The following LRMDA variants were observed in gnomAD, a reference collection of about 807,000 sequenced individuals.
LRMDA encodes leucine-rich melanocyte differentiation-associated protein.
Under a neutral mutation model 29.8 loss-of-function variants are expected in LRMDA, and 18 were observed. The observed-to-expected ratio is 0.60, with a 90% CI of 0.42 to 0.90. LRMDA has a LOEUF of 0.90. Ranked by LOEUF, LRMDA falls within the 40% of genes least tolerant of loss-of-function variation. LRMDA has a pLI of 0.00. For synonymous variants in LRMDA, 125 were observed against 109.4 expected, an observed-to-expected ratio of 1.14 and a Z score of -0.89; for missense variants, 273 against 273.9, an observed-to-expected ratio of 1.00 and a Z score of 0.02.
intron 5 of LRMDA, among the ~76,000 whole-genome samples, chr10:76,069,828 C>T (rs1848847336): frequency 6.6e-6 from 1 of 152,104 alleles, no homozygotes; most frequent in South Asian, 2.1e-4. Flanking sequence ...TTGTTCTTGA[C>T]ACAATTTAAG....
intron 2 of LRMDA, among the ~76,000 whole-genome samples, chr10:75,935,397 A>G (rs1351561971): frequency 6.6e-6 from 1 of 152,212 alleles, no homozygotes; most frequent in East Asian, 1.9e-4. Flanking sequence ...TCTCCTGCAG[A>G]CAGGCCCCTT....
At chr10:76,362,524 A>G (rs1055747846) in intron 6 of LRMDA, among the ~76,000 whole-genome samples, 2 of 152,262 alleles carry the variant, frequency 1.3e-5, no homozygotes, top group African/African-American at 2.4e-5. Context: ...ATTTAAGAAC[A>G]TTCACTATGG....
At chr10:76,312,005 AT>A (rs549439105) in intron 5 of LRMDA, among the ~76,000 whole-genome samples, 20 of 152,284 alleles carry the variant, frequency 1.3e-4, no homozygotes, top group African/African-American at 4.6e-4. Flanking sequence ...CTAGTTCATC[AT>A]CCCCAAGAGA....
chr10:76,042,045 GAGA>G (rs775378900), intron 3 of LRMDA, among the ~76,000 whole-genome samples: 93 of 152,278 alleles, frequency 6.1e-4, no homozygotes, highest in Admixed American at 1.5e-3. Context: ...AAAGAAATGT[GAGA>G]AGTTCTATGT....
At chr10:75,597,030 C>G (rs1319563473) in intron 2 of LRMDA, among the ~76,000 whole-genome samples, 1 of 151,750 alleles carries the variant, frequency 6.6e-6, no homozygotes, top group Non-Finnish European at 1.5e-5. Context: ...TCCCTCTCCC[C>G]CTCTCCCTTT....
At chr10:75,513,754 G>A (rs1845255782) in intron 2 of LRMDA, among the ~76,000 whole-genome samples, 1 of 152,078 alleles carries the variant, frequency 6.6e-6, no homozygotes, top group Non-Finnish European at 1.5e-5. Flanking sequence ...TAGACCTTCT[G>A]CCTGCCTCTT....
intron 5 of LRMDA, among the ~76,000 whole-genome samples, chr10:76,094,515 T>C (rs1849283240): frequency 2.0e-5 from 3 of 152,174 alleles, no homozygotes; most frequent in Admixed American, 6.5e-5. Flanking sequence ...TATTTTATAT[T>C]ACACTATTGC....
At chr10:76,353,935 T>C (rs1278550211) in intron 6 of LRMDA, among the ~76,000 whole-genome samples, 1 of 152,188 alleles carries the variant, frequency 6.6e-6, no homozygotes, top group Non-Finnish European at 1.5e-5. Flanking sequence ...GTGGTCTGCT[T>C]TCTGTGATCT....
intron 6 of LRMDA, among the ~76,000 whole-genome samples, chr10:76,553,468 C>T (rs375775173): frequency 2.6e-5 from 4 of 152,166 alleles, no homozygotes; most frequent in Non-Finnish European, 5.9e-5. Context: ...CTGTTCCCTC[C>T]GTAATTTTCA....
At chr10:76,246,305 A>G (rs1444266391) in intron 5 of LRMDA, among the ~76,000 whole-genome samples, 1 of 152,206 alleles carries the variant, frequency 6.6e-6, no homozygotes, top group Non-Finnish European at 1.5e-5. Flanking sequence ...CTGTATGGAA[A>G]TAGCCTTGTG....
At chr10:75,901,877 T>C (rs1845679729) in intron 2 of LRMDA, among the ~76,000 whole-genome samples, 1 of 152,188 alleles carries the variant, frequency 6.6e-6, no homozygotes. Flanking sequence ...GTGGTCTTTT[T>C]CTTCGCTCCC....
intron 2 of LRMDA, among the ~76,000 whole-genome samples, chr10:75,716,605 A>G (rs72809483): frequency 0.065 from 9,948 of 152,260 alleles, 480 homozygotes; most frequent in South Asian, 0.14. Flanking sequence ...GCATACCTTT[A>G]GGTTCAAGCT....
intron 6 of LRMDA, among the ~76,000 whole-genome samples, chr10:76,413,737 G>A (rs1841987240): frequency 6.6e-6 from 1 of 152,192 alleles, no homozygotes; most frequent in Non-Finnish European, 1.5e-5. Context: ...CCCAAAGGCA[G>A]GGATGTCTGT....
At chr10:76,417,291 C>T (rs1416893416) in intron 6 of LRMDA, among the ~76,000 whole-genome samples, 1 of 152,166 alleles carries the variant, frequency 6.6e-6, no homozygotes, top group Non-Finnish European at 1.5e-5. Context: ...CTTTCAAGTG[C>T]TCCTTAATCT....
chr10:76,209,711 C>T (rs192902723), intron 5 of LRMDA, among the ~76,000 whole-genome samples: 4 of 152,252 alleles, frequency 2.6e-5, no homozygotes, highest in African/African-American at 9.6e-5. Context: ...AACATGGAGC[C>T]AGCCCCTCGG....
chr10:75,510,872 T>C (rs1845217505), intron 2 of LRMDA, among the ~76,000 whole-genome samples: 1 of 152,114 alleles, frequency 6.6e-6, no homozygotes, highest in Non-Finnish European at 1.5e-5. Context: ...TAGCCACACA[T>C]ATCCAAAAAA....
chr10:75,875,537 G>A (rs1044407010), intron 2 of LRMDA, among the ~76,000 whole-genome samples: 30 of 152,046 alleles, frequency 2.0e-4, no homozygotes, highest in Non-Finnish European at 3.2e-4. Flanking sequence ...GGGTTCAAGC[G>A]ATTCTCCTGC....
chr10:75,551,063 TG>T (rs144948021), intron 2 of LRMDA, among the ~76,000 whole-genome samples: 2,302 of 151,970 alleles, frequency 0.015, 63 homozygotes, highest in African/African-American at 0.053. Context: ...CCTGGGAAAA[TG>T]TTTTTTTTAC....
intron 2 of LRMDA, among the ~76,000 whole-genome samples, chr10:75,673,137 C>T (rs1349315272): frequency 2.0e-5 from 3 of 152,074 alleles, no homozygotes; most frequent in Admixed American, 2.0e-4. Context: ...TCTTTTAAAA[C>T]AAGAGAGTGT....
Sources: gnomAD v4.1 joint callset for allele counts (sites outside exome capture counted in the v4.1 genomes callset) on GRCh38, gnomAD v4.1.1 for gene constraint, MANE v1.5 for transcripts, NCBI Gene and HGNC (gene_info 2026-07-23, HGNC 2026-07-21) for gene names.